Variants in PNLDC1 observed in about 807,000 individuals in gnomAD.
PNLDC1 encodes the protein poly(A)-specific ribonuclease PNLDC1.
In PNLDC1, 70 loss-of-function variants were observed where a neutral mutation model predicts 82.0. The ratio of observed to expected loss-of-function variants is 0.85; its 90% CI spans 0.70 to 1.04. The LOEUF is 1.04. PNLDC1 is among the 50% of genes least tolerant of loss of function. PNLDC1 has a pLI of 0.00. For missense variants in PNLDC1, 631 were observed against 661.1 expected (o/e 0.95, Z 0.50); for synonymous variants, 280 against 249.3 (o/e 1.12, Z -1.16).
At position 159,804,539 on chromosome 6, in the gene PNLDC1, CTGTCTT is replaced by C; in HGVS notation, c.373-9_373-4del. 6.5e-7 allele frequency: 1 copy of C among 1,548,058 alleles called. No individual in the cohort carries two copies. On this transcript the variant is annotated splice_region_variant and splice_polypyrimidine_tract_variant and intron_variant, in intron 5 of 18. Coordinates refer to ENST00000392167, the MANE Select transcript of PNLDC1 (RefSeq NM_001271862.2). Reference sequence around the variant, plus strand: ...CCTTGTTCTGTTTGTTGTTCTGTTTCTGTCTTAAGTTTCTCAAAAACGGAATCCCAT... The same window carrying C: ...CCTTGTTCTGTTTGTTGTTCTGTTTCAAGTTTCTCAAAAACGGAATCCCAT...
At position 159,803,212 on chromosome 6, in the gene PNLDC1, G is replaced by T. The variant is rs1340917309; in HGVS notation, c.209-59G>T. ...TACTGTTTGAGTTGTTTTTGTCTTT[G>T]TAGTGAAATTCAGGTTGCTTTTCCT... On this transcript the variant is annotated intron_variant, in intron 3 of 18. Transcript: ENST00000392167. 45 of 1,534,078 alleles carry T rather than the reference G, an allele frequency of 2.9e-5. 1 individual carries two copies. Among genetic ancestry groups the T allele is most frequent in the Non-Finnish European group, 1.8e-6 (2 of 1,107,946 alleles).
chr6:159,800,600 C>T (rs1781206375), intron 1 of PNLDC1, 172 bp from the exon 2 acceptor site: 2 of 1,547,874 alleles, frequency 1.3e-6, no homozygotes, highest in Non-Finnish European at 8.8e-7. Flanking sequence ...CCCGTGCGCC[C>T]AGGTGCCTGG....
rs760082823 is a variant in PNLDC1 at position 159,811,688 on chromosome 6, T to G, written c.854-13T>G. 1.2e-6 allele frequency: 2 copies of G among 1,607,702 alleles called. No individual in the cohort carries two copies. Among genetic ancestry groups the G allele is most frequent in the South Asian group, 2.2e-5 (2 of 90,508 alleles). Reference sequence around the variant, plus strand: ...ACAAATTCACTCTTGACTACCTGGGTTTTTCCCCTCAGAAAGCTACGATCA... The same window carrying G: ...ACAAATTCACTCTTGACTACCTGGGGTTTTCCCCTCAGAAAGCTACGATCA... On this transcript the variant is annotated splice_polypyrimidine_tract_variant and intron_variant, in intron 10 of 18. Coordinates refer to ENST00000392167, the MANE Select transcript of PNLDC1 (RefSeq NM_001271862.2).
chr6:159,815,336 C>CT (rs1229965866), intron 12 of PNLDC1, among the ~76,000 whole-genome samples: 1 of 152,222 alleles, frequency 6.6e-6, no homozygotes, highest in Non-Finnish European at 1.5e-5. Context: ...TGAATGGGCT[C>CT]TTTTTTCTGA....
intron 15 of PNLDC1, among the ~76,000 whole-genome samples, chr6:159,817,610 GA>G (rs1393409780): frequency 1.3e-5 from 2 of 152,224 alleles, no homozygotes; most frequent in Non-Finnish European, 2.9e-5. Flanking sequence ...CCCCACATTG[GA>G]ATCTTCAGTG....
Position 159,808,813 on chromosome 6 carries a change from G to C in PNLDC1, c.636G>C (p.Glu212Asp). 4 of 1,614,024 alleles carry C rather than the reference G, an allele frequency of 2.5e-6. No homozygotes were observed. The highest frequency in any genetic ancestry group is 3.4e-6 in the Non-Finnish European group (4 of 1,179,932). ...ACATCTGGACGGTGCTGAAAGATGA[G>C]GGGGTGAGTTCTCACTGCGAACGGG... Reference protein sequence around the residue: ...LPNIWTVLKDEGVVVKKVSKQ... With the variant: ...LPNIWTVLKDDGVVVKKVSKQ... The change falls in exon 8 of 19, where the codon GAG becomes GAC. Residue 212 changes from glutamate (E) to aspartate (D), a missense_variant. Glu to Asp is a conservative substitution (Grantham distance 45). Transcript: ENST00000392167.
rs770343454 is a variant in PNLDC1 at position 159,806,030 on chromosome 6, G to A, written c.509G>A (p.Arg170Gln). The A allele has an allele frequency of 5.6e-6, 9 of 1,614,010 alleles. No homozygotes were observed. The highest frequency in any genetic ancestry group is 4.5e-5 in the East Asian group (2 of 44,898). ...QIKVVIDEVT[R>Q]WLELAKEGDW... ...AAGGTGGTGATTGACGAAGTGACGCGGTGGCTGGAGCTGGCCAAGGAAGGC... is the reference window on the plus strand; with the variant it reads ...AAGGTGGTGATTGACGAAGTGACGCAGTGGCTGGAGCTGGCCAAGGAAGGC... The change falls in exon 7 of 19, where the codon CGG becomes CAG. Residue 170 changes from arginine to glutamine, a missense_variant. Transcript: ENST00000392167.
At chr6:159,804,249 C>T (rs565652806) in intron 5 of PNLDC1, among the ~76,000 whole-genome samples, 161 bp downstream of exon 5, 35 of 152,224 alleles carry the variant, frequency 2.3e-4, no homozygotes, top group Admixed American at 3.3e-4. Context: ...TACAGGCACC[C>T]GCCACCATGC....
At chr6:159,811,613 G>C (rs1209101384) in intron 10 of PNLDC1, 88 bp from the exon 11 acceptor site, 1 of 973,584 alleles carries the variant, frequency 1.0e-6, no homozygotes, top group Non-Finnish European at 1.7e-6. Flanking sequence ...ATTAATCAGT[G>C]CCAGTGGCAA....
At chr6:159,801,463 T>C (rs1160787500) in intron 3 of PNLDC1, among the ~76,000 whole-genome samples, 1 of 152,212 alleles carries the variant, frequency 6.6e-6, no homozygotes, top group African/African-American at 2.4e-5. Context: ...ATTTTATTTT[T>C]TGAGACAGGG....
chr6:159,817,164 T>G lies in PNLDC1; in HGVS notation c.1157+13T>G, dbSNP rs757946634. On this transcript the variant is annotated intron_variant, in intron 15 of 18. Transcript: ENST00000392167. Reference sequence around the variant, plus strand: ...AGAAGATATACCAGTAAGTGTTCTTTCTTTTCATCCTACTGTTCAATCGGT... The same window carrying G: ...AGAAGATATACCAGTAAGTGTTCTTGCTTTTCATCCTACTGTTCAATCGGT... 1.2e-6 allele frequency: 2 copies of G among 1,607,736 alleles called. No individual in the cohort carries two copies. Among genetic ancestry groups the G allele is most frequent in the Admixed American group, 1.7e-5 (1 of 60,026 alleles).
At chr6:159,801,580 TGG>T (rs553036768) in intron 3 of PNLDC1, among the ~76,000 whole-genome samples, 92 of 152,136 alleles carry the variant, frequency 6.0e-4, no homozygotes, top group South Asian at 3.1e-3. Context: ...CTGAGTAAAC[TGG>T]GACTACAGGC....
intron 14 of PNLDC1, 114 bp from the exon 15 acceptor site, chr6:159,816,995 C>A: frequency 8.9e-7 from 1 of 1,123,706 alleles, no homozygotes; most frequent in Non-Finnish European, 1.3e-6. Context: ...CAGTATGCCC[C>A]TGCCGTCCCT....
At chr6:159,808,009 G>A (rs1438611627) in intron 7 of PNLDC1, among the ~76,000 whole-genome samples, 2 of 151,960 alleles carry the variant, frequency 1.3e-5, no homozygotes, top group Non-Finnish European at 2.9e-5. Flanking sequence ...CGCCTCCCGG[G>A]TTCAAGGGAT....
At position 159,800,324 on chromosome 6, in the gene PNLDC1, A is replaced by C; in HGVS notation, c.17A>C (p.Asp6Ala). Residue 6 changes from aspartate (D) to alanine (A), a missense_variant, in exon 1 of 19, where the codon GAC becomes GCC. By Grantham distance (126) the Asp-to-Ala change is moderately radical (BLOSUM62 -2). Transcript: ENST00000392167. ...TGCACGGCCATGGACGTGGGCGCCG[A>C]CGAGTTCGAGGAGAGCCTCCCTCTG... MDVGA[D>A]EFEESLPLLQ... 6.5e-7 allele frequency: 1 copy of C among 1,547,850 alleles called. No homozygotes were observed. Among genetic ancestry groups the C allele is most frequent in the African/African-American group, 1.4e-5 (1 of 73,090 alleles).
chr6:159,809,925 C>A, intron 9 of PNLDC1, 101 bp from the exon 10 acceptor site: 4 of 951,526 alleles, frequency 4.2e-6, no homozygotes, highest in Non-Finnish European at 6.7e-6. Context: ...ATCAGAATTG[C>A]AGTGGGTTCT....
intron 1 of PNLDC1, 178 bp from the exon 2 acceptor site, chr6:159,800,594 T>C: frequency 6.6e-7 from 1 of 1,524,448 alleles, no homozygotes; most frequent in South Asian, 1.2e-5. Context: ...CAGAGCCCCG[T>C]GCGCCCAGGT....
At chr6:159,810,925 A>C (rs1162057732) in intron 10 of PNLDC1, among the ~76,000 whole-genome samples, 2 of 152,202 alleles carry the variant, frequency 1.3e-5, no homozygotes, top group African/African-American at 4.8e-5. Context: ...CAACAAAATA[A>C]GCGCTGGGAG....
chr6:159,820,418 G>A, intron 18 of PNLDC1, 36 bp from the exon 19 acceptor site: 1 of 1,611,704 alleles, frequency 6.2e-7, no homozygotes, highest in Non-Finnish European at 8.5e-7. Flanking sequence ...GGCCTGCTGG[G>A]TGCCCCGGCC....
Sources: allele counts gnomAD v4.1 joint callset (sites outside exome capture counted in the v4.1 genomes callset), GRCh38; gene constraint gnomAD v4.1.1; transcripts MANE v1.5; gene names NCBI Gene and HGNC (gene_info 2026-07-23, HGNC 2026-07-21).